The following EFCAB11 variants were observed in gnomAD, a reference collection of about 807,000 sequenced individuals.
EFCAB11 encodes the protein EF-hand calcium-binding domain-containing protein 11.
A neutral mutation model predicts 23.0 loss-of-function variants in EFCAB11; 14 were observed. The observed-to-expected ratio is 0.61, with a 90% CI of 0.40 to 0.95. The LOEUF is 0.95. EFCAB11 is among the 40% of genes least tolerant of loss of function. The pLI, the probability that EFCAB11 is intolerant of heterozygous loss-of-function variation, is 0.00. For missense variants in EFCAB11, 198 were observed against 195.8 expected, an observed-to-expected ratio of 1.01 and a Z score of -0.07; for synonymous variants, 65 against 66.6, an observed-to-expected ratio of 0.98 and a Z score of 0.11.
At chr14:89,911,477 CCAACGTGCTCCG>C (rs1056263589) in intron 5 of EFCAB11, among the ~76,000 whole-genome samples, 1 of 152,224 alleles carries the variant, frequency 6.6e-6, no homozygotes, top group African/African-American at 2.4e-5. Context: ...CCACTCCCTC[CCAACGTGCTCCG>C]CACACAGCTC....
chr14:89,922,668 T>C (rs1890058058), intron 5 of EFCAB11, among the ~76,000 whole-genome samples: 2 of 152,154 alleles, frequency 1.3e-5, no homozygotes, highest in East Asian at 1.9e-4. Flanking sequence ...TTACATAAGA[T>C]GAAGTCATCT....
chr14:89,885,689 GAGAAAGAGAGAGAAAGAGAGAA>G (rs1365431588), intron 5 of EFCAB11, among the ~76,000 whole-genome samples: 4 of 143,258 alleles, frequency 2.8e-5, no homozygotes, highest in African/African-American at 8.2e-5. Context: ...AAAAAAAAGA[GAGAAAGAGAGAGAAAGAGAGAA>G]AGAAAGAGAG....
At chr14:89,827,657 G>A (rs560529747) in intron 5 of EFCAB11, among the ~76,000 whole-genome samples, 1 of 138,550 alleles carries the variant, frequency 7.2e-6, no homozygotes, top group East Asian at 2.2e-4. Flanking sequence ...TTTTGAGATG[G>A]AGTTTTGCTC....
chr14:89,812,859 G>A (rs1461770353), intron 5 of EFCAB11, among the ~76,000 whole-genome samples: 1 of 152,036 alleles, frequency 6.6e-6, no homozygotes, highest in African/African-American at 2.4e-5. Flanking sequence ...TAGTACAAAA[G>A]CAATTGAAGA....
At chr14:89,919,292 T>C (rs192586533) in intron 5 of EFCAB11, among the ~76,000 whole-genome samples, 3 of 152,080 alleles carry the variant, frequency 2.0e-5, no homozygotes, top group Non-Finnish European at 4.4e-5. Flanking sequence ...AGGCAAGTGG[T>C]AAGTAAGCTT....
chr14:89,833,076 C>T (rs972090805), intron 5 of EFCAB11: 3 of 152,160 alleles, frequency 2.0e-5, no homozygotes, highest in East Asian at 3.8e-4. Context: ...TTCCTACTTA[C>T]GTTGCAAACA....
rs184455082 is a variant in EFCAB11 at position 89,839,796 on chromosome 14, G to C, written c.411-42472C>G. ...CTTCACATGGCTGGAGCAGGGGGAA[G>C]AGAGAGGAAGGGGGGAGGTGCTTCA... is the stretch of plus-strand genomic sequence containing the variant. On this transcript the variant is annotated intron_variant, in intron 5 of 5. Transcript: ENST00000316738. 1.2e-3 allele frequency among the ~76,000 whole-genome samples: 184 copies of C among 150,862 alleles called. 1 individual carries two copies. Among genetic ancestry groups the C allele is most frequent in the African/African-American group, 4.1e-3 (170 of 41,110 alleles).
intron 3 of EFCAB11, among the ~76,000 whole-genome samples, chr14:89,948,522 A>G (rs1030500439): frequency 1.3e-5 from 2 of 152,266 alleles, no homozygotes; most frequent in African/African-American, 4.8e-5. Flanking sequence ...TATGGAAGAT[A>G]TCTGCATTCT....
At chr14:89,927,491 A>C (rs1464460079) in intron 5 of EFCAB11, among the ~76,000 whole-genome samples, 1 of 152,202 alleles carries the variant, frequency 6.6e-6, no homozygotes, top group Non-Finnish European at 1.5e-5. Context: ...CTAGTCAATT[A>C]AGTGAAAAGC....
chr14:89,889,024 C>G (rs1888878964), intron 5 of EFCAB11, among the ~76,000 whole-genome samples: 1 of 152,082 alleles, frequency 6.6e-6, no homozygotes, highest in Admixed American at 6.5e-5. Flanking sequence ...ATGGAAAAAA[C>G]AATTCAAATT....
intron 5 of EFCAB11, among the ~76,000 whole-genome samples, chr14:89,882,004 T>A (rs1451911374): frequency 1.3e-5 from 2 of 152,220 alleles, no homozygotes; most frequent in Non-Finnish European, 2.9e-5. Flanking sequence ...CTATTTATAA[T>A]GCTTCCAAAA....
chr14:89,880,118 T>C (rs1888556495), intron 5 of EFCAB11, among the ~76,000 whole-genome samples: 1 of 152,186 alleles, frequency 6.6e-6, no homozygotes, highest in African/African-American at 2.4e-5. Flanking sequence ...CATTTGTGTC[T>C]CCCTAAAATT....
At chr14:89,854,940 C>T (rs1274639624) in intron 5 of EFCAB11, among the ~76,000 whole-genome samples, 3 of 152,130 alleles carry the variant, frequency 2.0e-5, no homozygotes, top group Non-Finnish European at 2.9e-5. Context: ...GTAGCTTGGT[C>T]GGGGGTTTGA....
chr14:89,813,300 G>A (rs149939771), intron 5 of EFCAB11, among the ~76,000 whole-genome samples: 60 of 152,252 alleles, frequency 3.9e-4, no homozygotes, highest in East Asian at 1.5e-3. Flanking sequence ...TCTCTGATAC[G>A]ATACCTTGAT....
chr14:89,831,773 T>C (rs922448747), intron 5 of EFCAB11, among the ~76,000 whole-genome samples: 3 of 152,234 alleles, frequency 2.0e-5, no homozygotes, highest in Non-Finnish European at 4.4e-5. Flanking sequence ...ATTGAAAGGA[T>C]TGAAACCTTT....
At chr14:89,910,140 A>G (rs1889629016) in intron 5 of EFCAB11, among the ~76,000 whole-genome samples, 2 of 152,242 alleles carry the variant, frequency 1.3e-5, no homozygotes, top group Admixed American at 1.3e-4. Flanking sequence ...TCTAACAAAT[A>G]TGTGTTTCCA....
chr14:89,943,276 C>T (rs558379466), intron 3 of EFCAB11, among the ~76,000 whole-genome samples: 1 of 149,682 alleles, frequency 6.7e-6, no homozygotes, highest in South Asian at 2.1e-4. Flanking sequence ...AACAGGGTCT[C>T]GCTCTGTCAC....
intron 2 of EFCAB11, among the ~76,000 whole-genome samples, chr14:89,951,036 T>A (rs76143686): frequency 0.017 from 2,646 of 151,634 alleles, 80 homozygotes; most frequent in African/African-American, 0.061. Flanking sequence ...CCCAAGTCTA[T>A]CTCCAGCCCT....
chr14:89,926,190 T>C (rs569265789), intron 5 of EFCAB11, among the ~76,000 whole-genome samples: 5 of 152,304 alleles, frequency 3.3e-5, no homozygotes, highest in Non-Finnish European at 5.9e-5. Flanking sequence ...ATAATATCTT[T>C]AGACATAACA....
Sources: allele counts gnomAD v4.1 joint callset (sites outside exome capture counted in the v4.1 genomes callset), GRCh38; gene constraint gnomAD v4.1.1; transcripts MANE v1.5; gene names NCBI Gene and HGNC (gene_info 2026-07-23, HGNC 2026-07-21).